NAV3: variants seen among roughly 807,000 people sequenced by gnomAD.
The protein encoded by NAV3 is neuron navigator 3, also known as pore membrane and/or filament interacting like protein 1.
NAV3 carries 87 observed loss-of-function variants against 244.7 expected under a neutral mutation model. That is an observed-to-expected ratio of 0.36 (90% CI 0.30 to 0.42). The LOEUF (loss-of-function observed/expected upper bound fraction) is 0.42. NAV3 is among the 20% of genes least tolerant of loss of function. NAV3 has a pLI of 1.00. For synonymous variants in NAV3, 1,126 were observed against 1,042.2 expected (o/e 1.08, Z -1.55); for missense variants, 2,663 against 2,893.3 (o/e 0.92, Z 1.83).
chr12:77,681,298 C>A (rs922815857), intron 2 of NAV3, among the ~76,000 whole-genome samples: 2 of 152,126 alleles, frequency 1.3e-5, no homozygotes, highest in African/African-American at 4.8e-5. Flanking sequence ...GAAAGGCAAA[C>A]AAGTAATAGG....
At chr12:77,872,556 C>G (rs1300270514) in intron 1 of NAV3, among the ~76,000 whole-genome samples, 7 of 152,044 alleles carry the variant, frequency 4.6e-5, no homozygotes, top group Admixed American at 4.6e-4. Context: ...GTTGGAGAGT[C>G]CAGGATCCAA....
At position 78,006,737 on chromosome 12, in the gene NAV3, C is replaced by T. The variant is rs370224002; in HGVS notation, c.1199C>T (p.Pro400Leu). ...AATGCCCGGACTGCTTTACGCCCCC[C>T]GCAGCCTCCCAGTTCAGGACCTAGT... ...LVNARTALRP[P>L]QPPSSGPSDG... The change falls in exon 8 of 40, where the codon CCG becomes CTG. Residue 400 changes from proline to leucine, a missense_variant. Around this residue, in one of 6 missense-constraint regions of NAV3, gnomAD observed 1,521 missense variants for 1,497.0 expected, o/e 1.02. Coordinates refer to ENST00000397909, the MANE Select transcript of NAV3 (RefSeq NM_001024383.2). 46 of 1,613,940 alleles carry T rather than the reference C, an allele frequency of 2.9e-5. No homozygotes were observed. The highest frequency in any genetic ancestry group is 3.5e-5 in the Non-Finnish European group (41 of 1,180,030).
chr12:77,971,997 G>T (rs532607325), intron 5 of NAV3, among the ~76,000 whole-genome samples: 76 of 151,980 alleles, frequency 5.0e-4, no homozygotes, highest in African/African-American at 1.8e-3. Context: ...AAGTTGAATA[G>T]CTTTCATTTA....
intron 9 of NAV3, chr12:78,037,211 T>C: frequency 1.4e-6 from 1 of 702,864 alleles, no homozygotes; most frequent in Non-Finnish European, 2.6e-6. Flanking sequence ...GTGAGAGTGA[T>C]GAAGATAGTA....
At chr12:78,009,069 T>C (rs926115536) in intron 8 of NAV3, among the ~76,000 whole-genome samples, 1 of 152,196 alleles carries the variant, frequency 6.6e-6, no homozygotes, top group African/African-American at 2.4e-5. Flanking sequence ...GTAGGCTTCT[T>C]TCTATAAGTA....
intron 2 of NAV3, among the ~76,000 whole-genome samples, chr12:77,660,016 G>T (rs945418681): frequency 5.1e-4 from 77 of 151,672 alleles, no homozygotes; most frequent in Admixed American, 1.9e-3. Context: ...GCTAGATGAC[G>T]AGTTAGTGGG....
At chr12:77,721,534 C>A (rs1472449888) in intron 2 of NAV3, among the ~76,000 whole-genome samples, 1 of 152,118 alleles carries the variant, frequency 6.6e-6, no homozygotes, top group Admixed American at 6.6e-5. Context: ...ATGTTTTACA[C>A]TTAAATTAGT....
chr12:77,633,131 C>G (rs1042122389), intron 2 of NAV3, among the ~76,000 whole-genome samples: 2 of 151,980 alleles, frequency 1.3e-5, no homozygotes. Flanking sequence ...GAATACTTTA[C>G]AAGTATTATC....
intron 2 of NAV3, among the ~76,000 whole-genome samples, chr12:77,687,972 T>C (rs1384823981): frequency 1.3e-5 from 2 of 152,114 alleles, no homozygotes; most frequent in Non-Finnish European, 2.9e-5. Context: ...TAGCATTTTG[T>C]ATATATTAGT....
intron 9 of NAV3, among the ~76,000 whole-genome samples, chr12:78,029,644 A>G: frequency 6.6e-6 from 1 of 152,286 alleles, no homozygotes; most frequent in South Asian, 2.1e-4. Context: ...AATACAGTGT[A>G]CAGTAACCTT....
intron 34 of NAV3, among the ~76,000 whole-genome samples, chr12:78,193,926 A>G (rs182022758): frequency 6.6e-6 from 1 of 152,052 alleles, no homozygotes; most frequent in East Asian, 1.9e-4. Flanking sequence ...TCTGACATTC[A>G]TGTTATCATT....
intron 2 of NAV3, among the ~76,000 whole-genome samples, chr12:77,591,797 G>T (rs1288250669): frequency 6.6e-6 from 1 of 152,082 alleles, no homozygotes; most frequent in Admixed American, 6.6e-5. Flanking sequence ...ATATGTATGT[G>T]TATCTATCTA....
intron 2 of NAV3, among the ~76,000 whole-genome samples, chr12:77,794,216 A>G (rs1225095050): frequency 1.3e-5 from 2 of 152,072 alleles, no homozygotes; most frequent in Non-Finnish European, 2.9e-5. Context: ...TGTAGATTAT[A>G]TCATCTATTT....
At chr12:78,128,047 C>T (rs1216545116) in intron 17 of NAV3, among the ~76,000 whole-genome samples, 1 of 152,038 alleles carries the variant, frequency 6.6e-6, no homozygotes, top group Non-Finnish European at 1.5e-5. Context: ...AAAGAATATA[C>T]TTAGTTTGGT....
At chr12:78,010,973 A>G (rs1271360687) in intron 8 of NAV3, 1 of 152,152 alleles carries the variant, frequency 6.6e-6, no homozygotes, top group Non-Finnish European at 1.5e-5. Context: ...CTAACTTCCT[A>G]TCTAATATAA....
rs114180375 is a variant in NAV3 at position 77,666,002 on chromosome 12, T to C, written c.72+93736T>C. 6.6e-3 allele frequency among the ~76,000 whole-genome samples: 1,003 copies of C among 152,264 alleles called. 10 individuals carry two copies. The highest frequency in any genetic ancestry group is 0.023 in the African/African-American group (969 of 41,570). Reference sequence around the variant, plus strand: ...CCTAGGATAAACTCTTTTTGACAGATTGCAAAAATGAGAAACCTATGTAAT... The same window carrying C: ...CCTAGGATAAACTCTTTTTGACAGACTGCAAAAATGAGAAACCTATGTAAT... On this transcript the variant is annotated intron_variant, in intron 2 of 8. Coordinates refer to the NAV3 transcript ENST00000550042.
At chr12:78,062,027 T>A (rs1428455388) in intron 12 of NAV3, among the ~76,000 whole-genome samples, 2 of 152,124 alleles carry the variant, frequency 1.3e-5, no homozygotes, top group Non-Finnish European at 2.9e-5. Flanking sequence ...TTCATAGCAA[T>A]TTTTCAGATT....
intron 1 of NAV3, among the ~76,000 whole-genome samples, chr12:77,844,691 T>C (rs1227030440): frequency 1.3e-5 from 2 of 152,210 alleles, no homozygotes; most frequent in Non-Finnish European, 2.9e-5. Flanking sequence ...ATTTTTTCGT[T>C]GGGCAGAAAG....
chr12:78,204,905 A>G (rs1227743211), intron 38 of NAV3, 30 bp from the exon 39 acceptor site: 7 of 1,604,030 alleles, frequency 4.4e-6, no homozygotes, highest in Non-Finnish European at 6.0e-6. Flanking sequence ...TGCATTTTAT[A>G]TATATCCTAA....
Sources: gnomAD v4.1 joint callset for allele counts (sites outside exome capture counted in the v4.1 genomes callset) on GRCh38, gnomAD v4.1.1 for gene constraint, gnomAD v4.1.1 regional missense constraint, MANE v1.5 for transcripts, NCBI Gene and HGNC (gene_info 2026-07-23, HGNC 2026-07-21) for gene names.